The following APAF1 variants were observed in gnomAD, a reference collection of about 807,000 sequenced individuals.
APAF1 encodes the protein apoptotic peptidase activating factor 1, also known as apoptotic protease-activating factor 1.
APAF1 carries 91 observed loss-of-function variants against 152.4 expected under a neutral mutation model. The observed-to-expected ratio is 0.60, with a 90% confidence interval of 0.50 to 0.71. The LOEUF (loss-of-function observed/expected upper bound fraction) is 0.71, where lower values mean the gene tolerates loss of function less well. APAF1 is among the 30% of genes least tolerant of loss of function. The probability of loss-of-function intolerance (pLI) is 0.00; values close to 1 mark genes in which losing one functional copy is unlikely to be tolerated. For synonymous variants in APAF1, 484 were observed against 494.1 expected (o/e 0.98, Z 0.27); for missense variants, 1,283 against 1,472.0 (o/e 0.87, Z 2.10).
At chr12:98,685,828 G>C (rs564291645) in intron 15 of APAF1, among the ~76,000 whole-genome samples, 1 of 151,702 alleles carries the variant, frequency 6.6e-6, no homozygotes, top group South Asian at 2.1e-4. Flanking sequence ...GTAGAGATGG[G>C]GTTTTGCTAT....
Position 98,648,401 on chromosome 12 carries a change from A to G in APAF1, c.42A>G (p.Glu14=). ...GAAATTGTTTGCTTCAACATAGAGA[A>G]GCTCTGGAAAAGGACATCAAGACAT... ...KARNCLLQHR[E]ALEKDIKTSY... The change falls in exon 2 of 27, where the codon GAA becomes GAG. Residue 14 remains glutamate, a synonymous_variant. Transcript: ENST00000551964. The G allele has an allele frequency of 1.1e-5, 18 of 1,614,140 alleles. No homozygotes were observed. Among genetic ancestry groups the G allele is most frequent in the Non-Finnish European group, 1.4e-5 (17 of 1,179,994 alleles).
rs1224350286 is a variant in APAF1, at chr12:98,735,166, C to T, written c.*2600C>T. 2.5e-6 allele frequency: 1 copy of T among 398,696 alleles called. No individual in the cohort carries two copies. Among genetic ancestry groups the T allele is most frequent in the African/African-American group, 2.1e-5 (1 of 48,642 alleles). 24.7% of individuals were successfully genotyped at this position (398,696 alleles called of 1,614,324 possible). On this transcript the variant is annotated 3_prime_UTR_variant, in exon 27 of 27. Transcript: ENST00000551964. ...TGGAGCTGCAAATTTCATGGCAGTT[C>T]ATGCAGTCGGTCAAGAGGAGGATTT... is the stretch of plus-strand genomic sequence containing the variant.
At chr12:98,728,105 CAG>C (rs1488165722) in intron 26 of APAF1, among the ~76,000 whole-genome samples, 1 of 152,140 alleles carries the variant, frequency 6.6e-6, no homozygotes, top group Non-Finnish European at 1.5e-5. Context: ...GCTTTGGTGA[CAG>C]TGGCAGGGAT....
In APAF1 at chr12:98,703,448, C is replaced by T; in HGVS notation, c.2544C>T (p.Phe848=). The T allele has an allele frequency of 6.2e-7, 1 of 1,614,168 alleles. No individual in the cohort carries two copies. The highest frequency in any genetic ancestry group is 2.2e-5 in the East Asian group (1 of 44,876). Residue 848 remains phenylalanine (F), a synonymous_variant, in exon 18 of 27, where the codon TTC becomes TTT. Transcript: ENST00000551964. The stretch of plus-strand genomic sequence containing the variant: ...ACAGCACCATCCAGTACTGTGACTT[C>T]TCCCCACAAAACCATTTGGCAGTGG... The part of the protein sequence containing the change: ...GHHSTIQYCD[F]SPQNHLAVVA...
At chr12:98,692,981 C>T (rs1186911816) in intron 16 of APAF1, among the ~76,000 whole-genome samples, 1 of 152,030 alleles carries the variant, frequency 6.6e-6, no homozygotes, top group Admixed American at 6.5e-5. Context: ...TTTACAAAGT[C>T]ACCGAACAAA....
chr12:98,657,260 A>G (rs1326919550), intron 4 of APAF1, among the ~76,000 whole-genome samples: 1 of 152,210 alleles, frequency 6.6e-6, no homozygotes, highest in Non-Finnish European at 1.5e-5. Flanking sequence ...CTCTATTCAT[A>G]CTATCAGTCC....
At chr12:98,692,093 A>AT (rs1270251706) in intron 16 of APAF1, among the ~76,000 whole-genome samples, 2 of 151,732 alleles carry the variant, frequency 1.3e-5, no homozygotes, top group Non-Finnish European at 2.9e-5. Context: ...TTTCATTATT[A>AT]TTTTTTTTAG....
rs555724168 is a variant in APAF1 at position 98,673,054 on chromosome 12, G to A, written c.1793+1335G>A. On this transcript the variant is annotated intron_variant, in intron 12 of 26. Coordinates refer to ENST00000551964, the MANE Select transcript of APAF1 (RefSeq NM_181861.2). ...ATTACAGGCGTGAGCCACTGCACCC[G>A]GCCTAAATTTTATTTACCTTATAAA... Among the ~76,000 whole-genome samples the A allele has an allele frequency of 4.0e-5, 6 of 151,884 alleles. No homozygotes were observed. The East Asian group carries it at 1.2e-3, about 30-fold the overall frequency.
intron 1 of APAF1, among the ~76,000 whole-genome samples, chr12:98,647,504 C>G (rs1397940500): frequency 2.6e-5 from 4 of 151,858 alleles, no homozygotes; most frequent in Admixed American, 2.6e-4. Context: ...TCCCGAGCAG[C>G]TGGGATTACA....
intron 12 of APAF1, among the ~76,000 whole-genome samples, chr12:98,672,361 C>T (rs954941948): frequency 1.3e-5 from 2 of 151,986 alleles, no homozygotes; most frequent in African/African-American, 4.8e-5. Flanking sequence ...GATGGGGTTT[C>T]GTCATGTTGG....
In APAF1 at chr12:98,686,852, T is replaced by A; in HGVS notation, c.2283T>A (p.Cys761Ter). The A allele has an allele frequency of 6.2e-7, 1 of 1,614,090 alleles. No homozygotes were observed. Among genetic ancestry groups the A allele is most frequent in the Non-Finnish European group, 8.5e-7 (1 of 1,179,982 alleles). The change falls in exon 16 of 27, where the codon TGT becomes TGA. Residue 761 changes from cysteine (C) to a stop codon, truncating the protein, a stop_gained. Coordinates refer to ENST00000551964, the MANE Select transcript of APAF1 (RefSeq NM_181861.2). LOFTEE classifies it high-confidence loss of function. ...CAGATGATAAGCTTTTGGCTAGTTG[T>A]TCAGCTGATGGAACCTTAAAGGTAT... is the stretch of plus-strand genomic sequence containing the variant. ...FSPDDKLLASCSADGTLKLWD... is the reference protein window; with the variant it reads ...FSPDDKLLAS
chr12:98,680,213 T>C, intron 13 of APAF1, 64 bp from the exon 14 acceptor site: 12 of 1,489,266 alleles, frequency 8.1e-6, no homozygotes, highest in Non-Finnish European at 1.1e-5. Context: ...TAAAGATTTT[T>C]ATTGAATGAT....
chr12:98,720,365 C>T (rs1020474185), intron 22 of APAF1, among the ~76,000 whole-genome samples: 12 of 152,082 alleles, frequency 7.9e-5, no homozygotes, highest in African/African-American at 2.4e-4. Context: ...TAGATATTTT[C>T]GAGAAATGAC....
chr12:98,665,998 G>A (rs556910803), intron 8 of APAF1, among the ~76,000 whole-genome samples, 192 bp from the exon 9 acceptor site: 6 of 152,278 alleles, frequency 3.9e-5, no homozygotes, highest in Non-Finnish European at 8.8e-5. Flanking sequence ...TGTGGTTCTA[G>A]TGCAGCTGAA....
intron 4 of APAF1, among the ~76,000 whole-genome samples, chr12:98,656,899 C>T (rs2097658438): frequency 6.6e-6 from 1 of 152,180 alleles, no homozygotes; most frequent in African/African-American, 2.4e-5. Context: ...CTAACCTTTC[C>T]TATTGATGTA....
rs947797225 is a variant in APAF1, at chr12:98,645,811, C to G, written c.-66C>G. The G allele has an allele frequency of 2.6e-5, 4 of 152,306 alleles. No homozygotes were observed. Among genetic ancestry groups the G allele is most frequent in the African/African-American group, 9.6e-5 (4 of 41,476 alleles). The allele number at this position is 152,306 out of a possible 1,614,324, so 9.4% of individuals were successfully genotyped here. On this transcript the variant is annotated 5_prime_UTR_variant, in exon 1 of 27. Coordinates refer to ENST00000551964, the MANE Select transcript of APAF1 (RefSeq NM_181861.2). ...TGTCCCGGCAGTGCCGCCCTCCCCACTAAGACCTAGGCGCAAAGGCTTGGG... is the reference window on the plus strand; with the variant it reads ...TGTCCCGGCAGTGCCGCCCTCCCCAGTAAGACCTAGGCGCAAAGGCTTGGG...
chr12:98,661,185 G>A (rs554453702), intron 5 of APAF1, among the ~76,000 whole-genome samples: 30 of 152,164 alleles, frequency 2.0e-4, no homozygotes, highest in South Asian at 8.3e-4. Context: ...ACAGGCGTGA[G>A]CCACTGCGCT....
intron 16 of APAF1, among the ~76,000 whole-genome samples, chr12:98,692,929 T>C (rs2153330242): frequency 6.6e-6 from 1 of 152,328 alleles, no homozygotes; most frequent in South Asian, 2.1e-4. Flanking sequence ...CTGGGTTGAA[T>C]GGTAGTTCTG....
intron 17 of APAF1, among the ~76,000 whole-genome samples, chr12:98,701,669 T>C (rs749506718): frequency 6.6e-6 from 1 of 152,244 alleles, no homozygotes; most frequent in South Asian, 2.1e-4. Flanking sequence ...GATAATTTTA[T>C]ATTGCATGAA....
Sources: gnomAD v4.1 joint callset for allele counts (sites outside exome capture counted in the v4.1 genomes callset) on GRCh38, gnomAD v4.1.1 for gene constraint, MANE v1.5 for transcripts, NCBI Gene and HGNC (gene_info 2026-07-23, HGNC 2026-07-21) for gene names.